CNTN5: variants seen among roughly 807,000 people sequenced by gnomAD.
The protein encoded by CNTN5 is contactin 5.
CNTN5 carries 77 observed loss-of-function variants against 129.1 expected under a neutral mutation model. The observed-to-expected ratio is 0.60, with a 90% CI of 0.50 to 0.72. The LOEUF is 0.72. Among genes scored for constraint, CNTN5 ranks in the 30% least tolerant of loss-of-function variants. The pLI is 0.00. For missense variants in CNTN5, 1,478 were observed against 1,328.8 expected (o/e 1.11, Z -1.75); for synonymous variants, 509 against 465.6 (o/e 1.09, Z -1.20).
At chr11:99,633,663 A>G (rs1284805302) in intron 3 of CNTN5, among the ~76,000 whole-genome samples, 1 of 152,216 alleles carries the variant, frequency 6.6e-6, no homozygotes, top group East Asian at 1.9e-4. Flanking sequence ...AAACCATTTA[A>G]TAGAGATATA....
At chr11:100,337,721 A>G (rs1952063527) in intron 21 of CNTN5, 15 of 473,540 alleles carry the variant, frequency 3.2e-5, no homozygotes, top group South Asian at 2.6e-4. Context: ...GGTGGCTTCT[A>G]GAAGTCAGTT....
At chr11:100,275,743 A>G (rs1374228575) in intron 18 of CNTN5, among the ~76,000 whole-genome samples, 3 of 152,230 alleles carry the variant, frequency 2.0e-5, no homozygotes, top group African/African-American at 7.2e-5. Flanking sequence ...ATCTTATGGA[A>G]GAGAAGTAGC....
At chr11:99,989,870 A>G (rs1242267283) in intron 8 of CNTN5, among the ~76,000 whole-genome samples, 2 of 152,066 alleles carry the variant, frequency 1.3e-5, no homozygotes, top group Admixed American at 6.5e-5. Flanking sequence ...GGTTCAAGCA[A>G]TTCTCCTGCC....
chr11:99,679,956 A>C (rs543443559), intron 3 of CNTN5, among the ~76,000 whole-genome samples: 5 of 152,312 alleles, frequency 3.3e-5, no homozygotes, highest in African/African-American at 9.6e-5. Flanking sequence ...TGGTCTGGAG[A>C]GAAGATGAAA....
chr11:99,657,568 T>G lies in CNTN5; in HGVS notation c.55+101299T>G, dbSNP rs527762827. ...ATGACAATTTATTTAAAAAAATATT[T>G]TAAACATTTTTGTGTGTTTCATAGG... On this transcript the variant is annotated intron_variant, in intron 3 of 24. Transcript: ENST00000524871. 3.3e-5 allele frequency among the ~76,000 whole-genome samples: 5 copies of G among 152,286 alleles called. No individual in the cohort carries two copies. In the South Asian group the frequency reaches 1.0e-3, roughly 32 times the overall value.
intron 13 of CNTN5, 107 bp from the exon 14 acceptor site, chr11:100,191,019 C>T: frequency 1.6e-6 from 1 of 643,646 alleles, no homozygotes. Flanking sequence ...GATCCTTTAT[C>T]TTACTTATTA....
At chr11:99,327,369 G>A (rs1171704472) in intron 2 of CNTN5, among the ~76,000 whole-genome samples, 1 of 152,130 alleles carries the variant, frequency 6.6e-6, no homozygotes, top group Admixed American at 6.6e-5. Context: ...CAACCAAATT[G>A]TATTAAATTC....
intron 7 of CNTN5, among the ~76,000 whole-genome samples, chr11:99,942,603 G>A (rs145746583): frequency 2.3e-4 from 35 of 152,130 alleles, no homozygotes; most frequent in African/African-American, 7.5e-4. Flanking sequence ...GTGGTTTGCT[G>A]CACCTATAAC....
chr11:99,301,307 T>G (rs1234902751), intron 1 of CNTN5, among the ~76,000 whole-genome samples: 3 of 127,662 alleles, frequency 2.3e-5, no homozygotes, highest in Admixed American at 2.3e-4. Context: ...TTGACTGAAC[T>G]GAAAAAAAAA....
At chr11:99,567,611 C>T (rs1403487637) in intron 3 of CNTN5, among the ~76,000 whole-genome samples, 1 of 152,146 alleles carries the variant, frequency 6.6e-6, no homozygotes, top group Non-Finnish European at 1.5e-5. Flanking sequence ...AGAAGTGTTA[C>T]AGAAAACAGG....
chr11:99,503,007 A>G (rs1054935474), intron 2 of CNTN5, among the ~76,000 whole-genome samples: 3 of 152,216 alleles, frequency 2.0e-5, no homozygotes, highest in Admixed American at 2.0e-4. Context: ...TAAAAAGAGT[A>G]TCTAACACTA....
At chr11:99,429,889 C>T (rs1943292392) in intron 2 of CNTN5, among the ~76,000 whole-genome samples, 1 of 151,888 alleles carries the variant, frequency 6.6e-6, no homozygotes, top group East Asian at 1.9e-4. Context: ...TGCCATTTAG[C>T]CATCTCTAAA....
intron 1 of CNTN5, among the ~76,000 whole-genome samples, chr11:99,069,638 T>A (rs1865252783): frequency 1.3e-5 from 2 of 152,308 alleles, no homozygotes; most frequent in South Asian, 2.1e-4. Context: ...CTTACATCAG[T>A]ACCAGACATT....
At position 99,979,360 on chromosome 11, in the gene CNTN5, A is replaced by G. The variant is rs146621687; in HGVS notation, c.877+22351A>G. ...TGCACAGAGGAGTTGACATTTGAGT[A>G]CAGTGCTGATGAAAGAAAAAGAGTT... On this transcript the variant is annotated intron_variant, in intron 8 of 24. Transcript: ENST00000524871. 1.0e-3 allele frequency among the ~76,000 whole-genome samples: 159 copies of G among 152,294 alleles called. 2 individuals carry two copies. The East Asian group carries it at 0.022, about 21-fold the overall frequency.
chr11:100,305,092 T>C (rs1951316842), intron 20 of CNTN5, among the ~76,000 whole-genome samples: 1 of 151,468 alleles, frequency 6.6e-6, no homozygotes, highest in Non-Finnish European at 1.5e-5. Context: ...AAATGGACCC[T>C]AGGAGATGAA....
intron 6 of CNTN5, among the ~76,000 whole-genome samples, chr11:99,907,792 G>A (rs565890204): frequency 6.6e-6 from 1 of 151,854 alleles, no homozygotes; most frequent in East Asian, 1.9e-4. Flanking sequence ...ATTACAGAAA[G>A]TTGTAAAGTT....
intron 2 of CNTN5, among the ~76,000 whole-genome samples, chr11:99,350,283 A>G (rs1938204161): frequency 6.6e-6 from 1 of 152,210 alleles, no homozygotes; most frequent in African/African-American, 2.4e-5. Context: ...CTGAATGCCT[A>G]AAATTTTTTT....
At chr11:100,287,374 T>A (rs1295010160) in intron 18 of CNTN5, among the ~76,000 whole-genome samples, 1 of 149,290 alleles carries the variant, frequency 6.7e-6, no homozygotes, top group African/African-American at 2.5e-5. Flanking sequence ...CGGGTTACCC[T>A]CAAAGGGAAG....
chr11:99,924,603 A>T (rs1201528885), intron 7 of CNTN5, among the ~76,000 whole-genome samples: 3 of 151,984 alleles, frequency 2.0e-5, no homozygotes, highest in African/African-American at 7.2e-5. Flanking sequence ...GTCTATGTGT[A>T]CCAGTACTAT....
Sources: allele counts gnomAD v4.1 joint callset (sites outside exome capture counted in the v4.1 genomes callset), GRCh38; gene constraint gnomAD v4.1.1; transcripts MANE v1.5; gene names NCBI Gene and HGNC (gene_info 2026-07-23, HGNC 2026-07-21).